NEB: variants seen among roughly 807,000 people sequenced by gnomAD.
NEB encodes the protein nebulin, also known as nemaline myopathy type 2.
A neutral mutation model predicts 952.2 loss-of-function variants in NEB; 512 were observed. The observed-to-expected ratio is 0.54, with a 90% CI of 0.50 to 0.58. The LOEUF is 0.58. Ranked by LOEUF, NEB falls within the 20% of genes least tolerant of loss-of-function variation. NEB has a pLI of 0.00. For synonymous variants in NEB, 2,900 were observed against 3,149.8 expected (o/e 0.92, Z 2.66); for missense variants, 8,428 against 9,231.1 (o/e 0.91, Z 3.56).
chr2:151,542,001 G>A (rs923594252), intron 135 of NEB, among the ~76,000 whole-genome samples: 5 of 152,026 alleles, frequency 3.3e-5, no homozygotes, highest in African/African-American at 1.2e-4. Context: ...TTTCTTCTTT[G>A]CCTCTCTTTT....
chr2:151,517,595 TAC>T (rs1173017621), intron 156 of NEB, among the ~76,000 whole-genome samples: 1 of 152,142 alleles, frequency 6.6e-6, no homozygotes, highest in African/African-American at 2.4e-5. Flanking sequence ...CATCACAGAG[TAC>T]ACTTACACAA....
In NEB at chr2:151,538,263, C is replaced by G. The variant is rs756715032; in HGVS notation, c.20893-19G>C. On this transcript the variant is annotated intron_variant, in intron 138 of 181. Transcript: ENST00000397345. ...AGCGTAGCTAGAAAGAGAAAAAACA[C>G]ATGAATTACAAAAAAACTACCAAGT... The G allele has an allele frequency of 6.5e-7, 1 of 1,545,208 alleles. No homozygotes were observed. The highest frequency in any genetic ancestry group is 8.9e-7 in the Non-Finnish European group (1 of 1,118,950).
chr2:151,546,191 C>T (rs2094653765), intron 134 of NEB, among the ~76,000 whole-genome samples, 154 bp downstream of exon 134: 1 of 152,170 alleles, frequency 6.6e-6, no homozygotes, highest in African/African-American at 2.4e-5. Flanking sequence ...GCACAGATCA[C>T]ATTAAAGTGA....
In NEB at chr2:151,687,506, C is replaced by T. The variant is rs1012090134; in HGVS notation, c.2550G>A (p.Lys850=). ...GGGCTCCAATCATTTTCCCTTTGCTCTTTTCATAGTCTTTCTTGTACATCA... is the reference window on the plus strand; with the variant it reads ...GGGCTCCAATCATTTTCCCTTTGCTTTTTTCATAGTCTTTCTTGTACATCA... ...SDVMYKKDYE[K]SKGKMIGALS... The change falls in exon 27 of 182, where the codon AAG becomes AAA. Residue 850 remains lysine (K), a synonymous_variant. Coordinates refer to ENST00000397345, the MANE Select transcript of NEB (RefSeq NM_001164508.2). 15 of 1,613,842 alleles carry T rather than the reference C, an allele frequency of 9.3e-6. No homozygotes were observed. The Admixed American group carries it at 1.2e-4, about 13-fold the overall frequency.
At chr2:151,488,587 A>G (rs1452479477) in intron 181 of NEB, among the ~76,000 whole-genome samples, 2 of 152,126 alleles carry the variant, frequency 1.3e-5, no homozygotes, top group South Asian at 2.1e-4. Flanking sequence ...TCGAGACTGC[A>G]GCGAGCTGTG....
At chr2:151,728,045 G>C in intron 4 of NEB, 139 bp from the exon 5 acceptor site, 2 of 666,084 alleles carry the variant, frequency 3.0e-6, no homozygotes, top group Non-Finnish European at 5.1e-6. Context: ...AGCCAAAGCA[G>C]GAAATGGCAC....
Position 151,592,134 on chromosome 2 carries a change from A to C in NEB, c.14726T>G (p.Leu4909Trp). The change falls in exon 95 of 182, where the codon TTG (leucine) becomes TGG (tryptophan). Residue 4909 changes from leucine to tryptophan, a missense_variant. Leu to Trp is a moderately conservative substitution (Grantham distance 61). Coordinates refer to ENST00000397345, the MANE Select transcript of NEB (RefSeq NM_001164508.2). The part of the protein sequence containing the change: ...KINAVQISEP[L>W]YRNAWEKEKA... Reference sequence around the variant, plus strand: ...CTCTTTCTCCCAGGCATTGCGATACAATGGCTGGGAAAAATGAAAAACGAT... The same window carrying C: ...CTCTTTCTCCCAGGCATTGCGATACCATGGCTGGGAAAAATGAAAAACGAT... The C allele has an allele frequency of 5.2e-6, 8 of 1,549,562 alleles. No individual in the cohort carries two copies. Among genetic ancestry groups the C allele is most frequent in the Non-Finnish European group, 7.0e-6 (8 of 1,146,760 alleles).
In NEB at chr2:151,697,218, C is replaced by G. The variant is rs1402475648; in HGVS notation, c.1400G>C (p.Gly467Ala). ...NYKAEYEEDR[G>A]KGFFPQTITQ... ...TATGGTCTGAGGGAAGAAGCCTTTG[C>G]CTCTGTCTTCTTCGTATTCTGCTTT... The change falls in exon 16 of 182, where the codon GGC becomes GCC. Residue 467 changes from glycine (G) to alanine (A), a missense_variant. Physicochemically the swap from Gly to Ala is moderately conservative, Grantham distance 60 (BLOSUM62 0). Around this residue, in one of 11 missense-constraint regions of NEB, gnomAD observed 2,851 missense variants for 2,791.5 expected, o/e 1.02. Coordinates refer to ENST00000397345, the MANE Select transcript of NEB (RefSeq NM_001164508.2). 1.2e-6 allele frequency: 2 copies of G among 1,613,764 alleles called. No homozygotes were observed. The highest frequency in any genetic ancestry group is 1.7e-5 in the Admixed American group (1 of 60,018).
At chr2:151,717,557 G>C (rs1014506164) in intron 9 of NEB, 37 bp from the exon 10 acceptor site, 1 of 1,434,382 alleles carries the variant, frequency 7.0e-7, no homozygotes, top group Admixed American at 1.7e-5. Flanking sequence ...TTTTAAAAAC[G>C]ATTATGCTTT....
At chr2:151,496,805 G>T (rs184819403) in intron 172 of NEB, 136 bp downstream of exon 172, 2 of 1,152,796 alleles carry the variant, frequency 1.7e-6, no homozygotes, top group Admixed American at 5.0e-5. Flanking sequence ...TAGCCCAAAG[G>T]AAAAAAGGAT....
intron 9 of NEB, among the ~76,000 whole-genome samples, chr2:151,721,035 C>T (rs1577712660): frequency 6.6e-6 from 1 of 152,152 alleles, no homozygotes; most frequent in Non-Finnish European, 1.5e-5. Flanking sequence ...CCCAGACCAC[C>T]AGTCTACAGT....
At chr2:151,707,813 G>C (rs892133069) in intron 12 of NEB, among the ~76,000 whole-genome samples, 1 of 152,122 alleles carries the variant, frequency 6.6e-6, no homozygotes, top group Non-Finnish European at 1.5e-5. Flanking sequence ...AAGGCAATCA[G>C]CTTGGTATCC....
intron 162 of NEB, chr2:151,507,626 T>G (rs528166825): frequency 6.6e-4 from 143 of 218,096 alleles, no homozygotes; most frequent in Non-Finnish European, 1.2e-3. Flanking sequence ...CGCATCTCTA[T>G]CCATAAAAAT....
chr2:151,495,565 C>G (rs932396121), intron 173 of NEB, among the ~76,000 whole-genome samples: 1 of 152,156 alleles, frequency 6.6e-6, no homozygotes, highest in Non-Finnish European at 1.5e-5. Context: ...CTGCAAACCT[C>G]AATCCCTAGG....
At chr2:151,728,040 A>G (rs1230047990) in intron 4 of NEB, 134 bp from the exon 5 acceptor site, 2 of 695,490 alleles carry the variant, frequency 2.9e-6, no homozygotes, top group African/African-American at 3.6e-5. Context: ...AAGTAAGCCA[A>G]AGCAGGAAAT....
At chr2:151,576,692 T>C (rs948907641) in intron 105 of NEB, among the ~76,000 whole-genome samples, 2 of 151,004 alleles carry the variant, frequency 1.3e-5, no homozygotes, top group African/African-American at 4.9e-5. Context: ...CCATGATGCC[T>C]GTCTAATTTT....
intron 71 of NEB, among the ~76,000 whole-genome samples, chr2:151,624,157 T>C (rs1163624734): frequency 6.6e-6 from 1 of 152,174 alleles, no homozygotes; most frequent in Non-Finnish European, 1.5e-5. Flanking sequence ...TATGCAATTT[T>C]ATTTTTATTT....
In NEB at chr2:151,669,090, A is replaced by G. The variant is rs748479655; in HGVS notation, c.4548T>C (p.Tyr1516=). Residue 1516 remains tyrosine, a synonymous_variant, in exon 39 of 182, where the codon TAT becomes TAC. Transcript: ENST00000397345. ...KVEGEKLKHK[Y]TIDPELPQFI... The stretch of plus-strand genomic sequence containing the variant: ...ACTGAGGCAATTCAGGGTCAATAGT[A>G]TACTTGTGCTTCAGTTTCTCTCCCT... The G allele has an allele frequency of 5.7e-5, 91 of 1,592,820 alleles. No individual in the cohort carries two copies. In the Middle Eastern group the frequency reaches 9.9e-4, roughly 17 times the overall value.
intron 161 of NEB, among the ~76,000 whole-genome samples, chr2:151,512,329 G>A (rs1046285748): frequency 1.3e-5 from 2 of 149,492 alleles, no homozygotes; most frequent in African/African-American, 2.5e-5. Context: ...CCACCATGCC[G>A]GGCTTCTCTC....
Sources: allele counts gnomAD v4.1 joint callset (sites outside exome capture counted in the v4.1 genomes callset), GRCh38; gene constraint gnomAD v4.1.1; regional missense constraint gnomAD v4.1.1; transcripts MANE v1.5; gene names NCBI Gene and HGNC (gene_info 2026-07-23, HGNC 2026-07-21).